ANK2: variants seen among roughly 807,000 people sequenced by gnomAD.
ANK2 encodes ankyrin 2, also known as ankyrin-2.
A neutral mutation model predicts 360.5 loss-of-function variants in ANK2; 83 were observed. The ratio of observed to expected loss-of-function variants is 0.23; its 90% confidence interval spans 0.19 to 0.28. ANK2 has a LOEUF of 0.28. Ranked by LOEUF, ANK2 falls within the 10% of genes least tolerant of loss-of-function variation. The pLI is 1.00. For synonymous variants in ANK2, 1,740 were observed against 1,759.5 expected, an observed-to-expected ratio of 0.99 and a Z score of 0.28; for missense variants, 4,201 against 4,795.7, an observed-to-expected ratio of 0.88 and a Z score of 3.66.
intron 4 of ANK2, chr4:113,214,201 G>A: frequency 1.2e-5 from 10 of 855,888 alleles, no homozygotes; most frequent in East Asian, 2.5e-5. Flanking sequence ...TACAGCTTGG[G>A]AAGCACATAG....
At position 113,101,964 on chromosome 4, in the gene ANK2, C is replaced by T. The variant is rs141934667; in HGVS notation, c.84+52152C>T. On this transcript the variant is annotated intron_variant, in intron 1 of 45. Transcript: ENST00000357077. ...GGGACTGAAAGAAGGCCAGTGTCAC[C>T]GGTGTATGGTGAGGATAGAGAAGCA... Among the ~76,000 whole-genome samples the T allele has an allele frequency of 2.0e-3, 305 of 152,158 alleles. 4 individuals carry two copies. The highest frequency in any genetic ancestry group is 6.8e-3 in the Middle Eastern group (2 of 294).
chr4:113,104,524 G>A (rs2093372917), intron 1 of ANK2, among the ~76,000 whole-genome samples: 1 of 152,138 alleles, frequency 6.6e-6, no homozygotes, highest in Non-Finnish European at 1.5e-5. Context: ...GACCAGCCTG[G>A]CCAACATAAT....
chr4:112,788,194 G>GT, the ANK2 span: 1 of 1,586,394 alleles, frequency 6.3e-7, no homozygotes, highest in African/African-American at 1.3e-5. Flanking sequence ...AGATCTCATC[G>GT]TATCTGTCAT....
intron 29 of ANK2, among the ~76,000 whole-genome samples, chr4:113,334,093 G>A (rs903716361): frequency 3.3e-5 from 5 of 152,192 alleles, no homozygotes; most frequent in Admixed American, 6.5e-5. Context: ...TGTTTATCAA[G>A]TTCTTGAGTC....
At chr4:112,884,311 G>T (rs1256889681) in intron 1 of ANK2, among the ~76,000 whole-genome samples, 1 of 152,090 alleles carries the variant, frequency 6.6e-6, no homozygotes, top group Non-Finnish European at 1.5e-5. Context: ...TTGGTAAAGG[G>T]CTAGGTAGGA....
intron 1 of ANK2, among the ~76,000 whole-genome samples, chr4:113,161,990 T>C (rs373285687): frequency 9.1e-4 from 138 of 152,290 alleles, no homozygotes; most frequent in African/African-American, 3.2e-3. Context: ...CTTTTTAGCC[T>C]TGCATTTTTA....
At chr4:113,163,576 C>G (rs2097627779) in intron 1 of ANK2, among the ~76,000 whole-genome samples, 2 of 151,208 alleles carry the variant, frequency 1.3e-5, no homozygotes, top group South Asian at 2.1e-4. Flanking sequence ...ACCAGCCTGA[C>G]CAACATGGAG....
intron 2 of ANK2, among the ~76,000 whole-genome samples, chr4:113,018,061 T>C (rs1010881675): frequency 6.6e-6 from 1 of 152,236 alleles, no homozygotes; most frequent in African/African-American, 2.4e-5. Flanking sequence ...TGATTATACT[T>C]CCCTTGAAAA....
At chr4:112,775,880 T>C in the ANK2 span, among the ~76,000 whole-genome samples, 1 of 152,186 alleles carries the variant, frequency 6.6e-6, no homozygotes, top group Non-Finnish European at 1.5e-5. Flanking sequence ...TTCCACACTT[T>C]CGCATGTGTA....
chr4:113,174,394 A>G, intron 1 of ANK2, 22 bp from the exon 2 acceptor site: 1 of 1,579,518 alleles, frequency 6.3e-7, no homozygotes, highest in Non-Finnish European at 8.7e-7. Context: ...AGTTCATTAA[A>G]GGTCTTTTAT....
Position 113,364,953 on chromosome 4 carries a change from T to C in ANK2, c.10889-86T>C, listed in dbSNP as rs1564109873. On this transcript the variant is annotated intron_variant, in intron 40 of 45. Transcript: ENST00000357077. Reference sequence around the variant, plus strand: ...TTGATTGTTTTTTTCTGTACAGATATCAAAAATTTAGTAAGGCAGTTGAGT... The same window carrying C: ...TTGATTGTTTTTTTCTGTACAGATACCAAAAATTTAGTAAGGCAGTTGAGT... 3.3e-6 allele frequency: 5 copies of C among 1,526,310 alleles called. No homozygotes were observed. The South Asian group carries it at 5.6e-5, about 17-fold the overall frequency. The allele number at this position is 1,526,310 out of a possible 1,614,324, so 94.5% of individuals were successfully genotyped here.
chr4:112,754,506 GT>G, the ANK2 span, among the ~76,000 whole-genome samples: 11 of 78,268 alleles, frequency 1.4e-4, no homozygotes, highest in Admixed American at 3.1e-4. Flanking sequence ...ATTGTTATGA[GT>G]TTTTTTTTTT....
At chr4:113,360,791 C>T (rs1564079887) in intron 38 of ANK2, 32 bp from the exon 39 acceptor site, 1 of 1,601,750 alleles carries the variant, frequency 6.2e-7, no homozygotes, top group East Asian at 2.2e-5. Flanking sequence ...TCATAGACAA[C>T]CTTTGGCCAT....
chr4:113,149,846 C>T (rs2096971179), intron 1 of ANK2, among the ~76,000 whole-genome samples: 1 of 113,862 alleles, frequency 8.8e-6, no homozygotes, highest in Admixed American at 1.2e-4. Flanking sequence ...CACTGCACTC[C>T]AGCTTGCGTG....
the ANK2 span, among the ~76,000 whole-genome samples, chr4:112,736,360 G>A: frequency 6.6e-6 from 1 of 151,916 alleles, no homozygotes; most frequent in Admixed American, 6.6e-5. Flanking sequence ...AGCTACTTGG[G>A]AGGCTGAGGC....
chr4:113,223,971 GGTCA>G lies in ANK2; in HGVS notation c.385-8187_385-8184del, dbSNP rs138203894. Reference sequence around the variant, plus strand: ...TGTTGGTGCTAATTGTTGGTAGAGGGGTCAGTTTCTTCCCCCTGTGAGTCCTTCC... The same window carrying G: ...TGTTGGTGCTAATTGTTGGTAGAGGGGTTTCTTCCCCCTGTGAGTCCTTCC... On this transcript the variant is annotated intron_variant, in intron 4 of 45. Transcript: ENST00000357077. Among the ~76,000 whole-genome samples, 1,347 of 152,212 alleles carry G rather than the reference GGTCA, an allele frequency of 8.8e-3. 23 individuals carry two copies. Among genetic ancestry groups the G allele is most frequent in the African/African-American group, 0.031 (1,271 of 41,520 alleles).
chr4:112,757,261 C>T, the ANK2 span, among the ~76,000 whole-genome samples: 5 of 151,886 alleles, frequency 3.3e-5, no homozygotes, highest in Non-Finnish European at 5.9e-5. Flanking sequence ...TACAGACGCC[C>T]GCCACCAAGC....
intron 1 of ANK2, among the ~76,000 whole-genome samples, chr4:113,074,722 A>G (rs1406665119): frequency 6.6e-6 from 1 of 152,210 alleles, no homozygotes; most frequent in African/African-American, 2.4e-5. Flanking sequence ...TAGGATGAGA[A>G]AAGAATAAGG....
chr4:112,919,652 A>T (rs2090939562), intron 2 of ANK2, among the ~76,000 whole-genome samples: 1 of 152,174 alleles, frequency 6.6e-6, no homozygotes, highest in South Asian at 2.1e-4. Context: ...AGTAACAAGC[A>T]GAAAATTCGT....
Sources: gnomAD v4.1 joint callset for allele counts (sites outside exome capture counted in the v4.1 genomes callset) on GRCh38, gnomAD v4.1.1 for gene constraint, MANE v1.5 for transcripts, NCBI Gene and HGNC (gene_info 2026-07-23, HGNC 2026-07-21) for gene names.